Variants in GTF2I observed in about 807,000 individuals in gnomAD.
The protein encoded by GTF2I is general transcription factor II-I.
In GTF2I, 12 loss-of-function variants were observed where a neutral mutation model predicts 67.6. The observed-to-expected ratio is 0.18, with a 90% CI of 0.11 to 0.29. GTF2I has a LOEUF of 0.29. Ranked by LOEUF, GTF2I falls within the 10% of genes least tolerant of loss-of-function variation. GTF2I has a pLI of 1.00. For synonymous variants in GTF2I, 149 were observed against 197.0 expected (o/e 0.76, Z 2.04); for missense variants, 271 against 580.1 (o/e 0.47, Z 5.47).
At chr7:74,721,736 C>G (rs1033999690) in intron 12 of GTF2I, among the ~76,000 whole-genome samples, 3 of 151,700 alleles carry the variant, frequency 2.0e-5, no homozygotes, top group Non-Finnish European at 2.9e-5. Context: ...TATTTAGATA[C>G]CCGTAGTTAG....
intron 2 of GTF2I, among the ~76,000 whole-genome samples, chr7:74,689,737 C>CA (rs1179593081): frequency 6.6e-6 from 1 of 151,480 alleles, no homozygotes; most frequent in Non-Finnish European, 1.5e-5. Context: ...TTATTTGAGA[C>CA]AGAGTTTCGC....
At chr7:74,676,780 G>A (rs1216238620) in intron 1 of GTF2I, among the ~76,000 whole-genome samples, 1 of 152,104 alleles carries the variant, frequency 6.6e-6, no homozygotes, top group African/African-American at 2.4e-5. Context: ...ATTTGGCTGG[G>A]CATGATGGCT....
chr7:74,705,189 T>A lies in GTF2I; in HGVS notation c.612T>A (p.Ala204=), dbSNP rs1790464276. ...GTGGTCGTGTGATGGTAACAGATGC[T>A]GACAGGTCAATACTATCTCCAGGTG... ...HVGGRVMVTD[A]DRSILSPGGS... Residue 204 remains alanine (A), a synonymous_variant, in exon 7 of 35, where the codon GCT becomes GCA. Transcript: ENST00000573035. 6.2e-7 allele frequency: 1 copy of A among 1,606,576 alleles called. No homozygotes were observed. Among genetic ancestry groups the A allele is most frequent in the Admixed American group, 1.7e-5 (1 of 59,978 alleles).
At chr7:74,699,160 C>A in intron 4 of GTF2I, 65 bp downstream of exon 4, 2 of 854,668 alleles carry the variant, frequency 2.3e-6, no homozygotes, top group Non-Finnish European at 3.4e-6. Context: ...TAAAGGGAAG[C>A]TTATGTAATT....
intron 11 of GTF2I, 47 bp downstream of exon 11, chr7:74,716,997 T>C: frequency 6.5e-7 from 1 of 1,549,224 alleles, no homozygotes; most frequent in Non-Finnish European, 8.9e-7. Flanking sequence ...TGTTGTATGT[T>C]TATTCTATTT....
chr7:74,697,420 A>G (rs1234054676), intron 3 of GTF2I, among the ~76,000 whole-genome samples: 1 of 152,032 alleles, frequency 6.6e-6, no homozygotes, highest in Non-Finnish European at 1.5e-5. Flanking sequence ...TTAATGGGAT[A>G]TTTGTCATAC....
At chr7:74,678,848 T>G (rs1449138919) in intron 1 of GTF2I, among the ~76,000 whole-genome samples, 3 of 152,164 alleles carry the variant, frequency 2.0e-5, no homozygotes, top group East Asian at 3.9e-4. Flanking sequence ...CTCGGCTCAC[T>G]GCAACCTCCG....
chr7:74,672,465 G>A (rs1421537902), intron 1 of GTF2I, among the ~76,000 whole-genome samples: 9 of 151,946 alleles, frequency 5.9e-5, no homozygotes, highest in South Asian at 2.1e-4. Context: ...ACTTGGACCC[G>A]GAAAGCAGAG....
intron 1 of GTF2I, among the ~76,000 whole-genome samples, chr7:74,685,824 C>T (rs1442962939): frequency 4.6e-5 from 7 of 150,828 alleles, no homozygotes; most frequent in Admixed American, 3.3e-4. Context: ...CCGGCCGAGG[C>T]GGGCGGATCA....
intron 6 of GTF2I, among the ~76,000 whole-genome samples, chr7:74,703,336 C>T (rs1442144608): frequency 2.0e-5 from 3 of 151,984 alleles, no homozygotes; most frequent in African/African-American, 7.2e-5. Flanking sequence ...CTTTGAGGCA[C>T]AAACGTTTTA....
intron 3 of GTF2I, among the ~76,000 whole-genome samples, chr7:74,697,165 A>G (rs1554398554): frequency 6.6e-6 from 1 of 152,134 alleles, no homozygotes; most frequent in Admixed American, 6.5e-5. Flanking sequence ...TGGGAGGCAG[A>G]GGCAGGCGGA....
At chr7:74,725,446 G>C (rs1349770250) in intron 12 of GTF2I, among the ~76,000 whole-genome samples, 1 of 152,072 alleles carries the variant, frequency 6.6e-6, no homozygotes, top group African/African-American at 2.4e-5. Context: ...CAGCACTTTA[G>C]GAGGCCAAGG....
At chr7:74,658,641 T>G (rs1324449641) in intron 1 of GTF2I, among the ~76,000 whole-genome samples, 1 of 150,050 alleles carries the variant, frequency 6.7e-6, no homozygotes, top group Admixed American at 6.6e-5. Flanking sequence ...GCGCGTTGCC[T>G]GGTAACTGCG....
chr7:74,725,195 A>C (rs1395807215), intron 12 of GTF2I, among the ~76,000 whole-genome samples: 1 of 151,964 alleles, frequency 6.6e-6, no homozygotes, highest in East Asian at 1.9e-4. Context: ...CGAGAAACCC[A>C]TTTTTTTTCT....
chr7:74,677,411 T>C (rs2131241484), intron 1 of GTF2I, among the ~76,000 whole-genome samples: 1 of 152,318 alleles, frequency 6.6e-6, no homozygotes. Flanking sequence ...TTTATTCTTC[T>C]GACTGAGGAT....
intron 11 of GTF2I, 131 bp downstream of exon 11, chr7:74,717,081 A>G: frequency 7.6e-7 from 1 of 1,316,128 alleles, no homozygotes; most frequent in Non-Finnish European, 1.0e-6. Flanking sequence ...TTCCTAGCCA[A>G]CAGGTTATTA....
chr7:74,714,744 T>C (rs1792042668), intron 9 of GTF2I, 113 bp from the exon 10 acceptor site: 1 of 589,342 alleles, frequency 1.7e-6, no homozygotes. Flanking sequence ...TTTTTTTCTT[T>C]TTATTTATAA....
intron 3 of GTF2I, among the ~76,000 whole-genome samples, chr7:74,691,494 C>T (rs1347229209): frequency 2.6e-5 from 4 of 152,138 alleles, no homozygotes; most frequent in Non-Finnish European, 1.5e-5. Context: ...AGGCGTGGGC[C>T]ACTGCGCCTG....
At chr7:74,704,950 G>A (rs1790419493) in intron 6 of GTF2I, among the ~76,000 whole-genome samples, 1 of 150,258 alleles carries the variant, frequency 6.7e-6, no homozygotes, top group African/African-American at 2.5e-5. Flanking sequence ...TAGACAAATG[G>A]TATGTTTCTG....
Sources: gnomAD v4.1 joint callset for allele counts (sites outside exome capture counted in the v4.1 genomes callset) on GRCh38, gnomAD v4.1.1 for gene constraint, MANE v1.5 for transcripts, NCBI Gene and HGNC (gene_info 2026-07-23, HGNC 2026-07-21) for gene names.